The following PCDHA9 variants were observed in gnomAD, a reference collection of about 807,000 sequenced individuals.
The protein encoded by PCDHA9 is protocadherin alpha 9.
A neutral mutation model predicts 62.0 loss-of-function variants in PCDHA9; 62 were observed. The ratio of observed to expected loss-of-function variants is 1.00; its 90% CI spans 0.81 to 1.23. The LOEUF (loss-of-function observed/expected upper bound fraction) is 1.23. Ranked by LOEUF, PCDHA9 falls within the 50% of genes most tolerant of loss-of-function variation. The pLI, the probability that PCDHA9 is intolerant of heterozygous loss-of-function variation, is 0.00. For missense variants in PCDHA9, 1,205 were observed against 1,249.8 expected, an observed-to-expected ratio of 0.96 and a Z score of 0.54; for synonymous variants, 557 against 567.6, an observed-to-expected ratio of 0.98 and a Z score of 0.27.
chr5:140,892,943 AC>A (rs2063750109), intron 1 of PCDHA9, among the ~76,000 whole-genome samples: 1 of 152,088 alleles, frequency 6.6e-6, no homozygotes, highest in South Asian at 2.1e-4. Flanking sequence ...TAAGCACAAT[AC>A]TACTTCCATG....
At chr5:140,882,732 A>G (rs782399296) in intron 1 of PCDHA9, 3 of 1,614,228 alleles carry the variant, frequency 1.9e-6, no homozygotes, top group Non-Finnish European at 2.5e-6. Context: ...TTTCCACTAG[A>G]TGGCGCATCC....
intron 1 of PCDHA9, chr5:140,864,760 T>C (rs1282604676): frequency 6.6e-6 from 1 of 152,230 alleles, no homozygotes; most frequent in Non-Finnish European, 1.5e-5. Flanking sequence ...TCATTTTTCT[T>C]TCATTTTTGG....
At chr5:140,973,414 C>G (rs992904408) in intron 1 of PCDHA9, among the ~76,000 whole-genome samples, 1 of 152,204 alleles carries the variant, frequency 6.6e-6, no homozygotes, top group Non-Finnish European at 1.5e-5. Flanking sequence ...GCTTCCACTC[C>G]AGTTTTTCAT....
chr5:140,856,484 C>T lies in PCDHA9; in HGVS notation c.2394+5595C>T. 3 of 1,598,366 alleles carry T rather than the reference C, an allele frequency of 1.9e-6. 1 individual carries two copies. The highest frequency in any genetic ancestry group is 2.7e-5 in the African/African-American group (2 of 74,376). The stretch of plus-strand genomic sequence containing the variant: ...AAAGCTCTCAATACCTGAATCCAGA[C>T]TGCTTGACTCTCGATTTCCACTAGA... On this transcript the variant is annotated intron_variant, in intron 1 of 3. Coordinates refer to ENST00000532602, the MANE Select transcript of PCDHA9 (RefSeq NM_031857.2).
intron 1 of PCDHA9, among the ~76,000 whole-genome samples, chr5:140,895,640 T>G (rs1554186577): frequency 6.6e-6 from 1 of 152,220 alleles, no homozygotes; most frequent in Non-Finnish European, 1.5e-5. Flanking sequence ...ACATTCTTTT[T>G]TAGCTCCCAC....
At chr5:140,975,784 A>G (rs1216156931) in intron 1 of PCDHA9, among the ~76,000 whole-genome samples, 1 of 151,914 alleles carries the variant, frequency 6.6e-6, no homozygotes, top group Non-Finnish European at 1.5e-5. Flanking sequence ...CCATTACAAG[A>G]TAAATTAAAT....
chr5:140,857,745 C>T lies in PCDHA9; in HGVS notation c.2394+6856C>T. On this transcript the variant is annotated intron_variant, in intron 1 of 3. Coordinates refer to ENST00000532602, the MANE Select transcript of PCDHA9 (RefSeq NM_031857.2). Reference sequence around the variant, plus strand: ...AACGACAACGCTCCCGCGCTGCTGGCGTCTCCCGCTGGCAGCGCGGGCGGT... The same window carrying T: ...AACGACAACGCTCCCGCGCTGCTGGTGTCTCCCGCTGGCAGCGCGGGCGGT... 5.0e-6 allele frequency: 8 copies of T among 1,597,310 alleles called. 1 individual carries two copies. Among genetic ancestry groups the T allele is most frequent in the South Asian group, 1.1e-5 (1 of 90,480 alleles).
intron 1 of PCDHA9, among the ~76,000 whole-genome samples, chr5:140,943,121 G>A (rs1225385839): frequency 3.3e-5 from 5 of 151,916 alleles, no homozygotes; most frequent in African/African-American, 4.8e-5. Flanking sequence ...AGCCAGGTGT[G>A]GTAGTGGGTG....
chr5:140,928,616 G>A, intron 1 of PCDHA9: 2 of 1,614,226 alleles, frequency 1.2e-6, no homozygotes, highest in Non-Finnish European at 8.5e-7. Flanking sequence ...CGCTCTGCCA[G>A]GACTGGACAC....
intron 2 of PCDHA9, among the ~76,000 whole-genome samples, chr5:140,979,789 C>CAAAT (rs1244398411): frequency 2.6e-5 from 4 of 152,148 alleles, no homozygotes; most frequent in African/African-American, 9.7e-5. Context: ...GACCAAGAAA[C>CAAAT]AAATGATCAC....
intron 1 of PCDHA9, chr5:140,857,580 C>T: frequency 6.3e-7 from 1 of 1,596,630 alleles, no homozygotes; most frequent in African/African-American, 1.3e-5. Flanking sequence ...TCGGTGCACG[C>T]GGAGAGCGGC....
intron 1 of PCDHA9, among the ~76,000 whole-genome samples, chr5:140,960,614 G>A (rs1167351854): frequency 3.3e-5 from 5 of 152,130 alleles, no homozygotes; most frequent in African/African-American, 1.2e-4. Context: ...AATATCTAGT[G>A]TGTTTTTGAA....
intron 1 of PCDHA9, chr5:140,877,799 T>C: frequency 1.2e-6 from 2 of 1,613,438 alleles, no homozygotes; most frequent in Non-Finnish European, 1.7e-6. Context: ...AGCCCAAGCC[T>C]TCAGCTGTCT....
At chr5:140,965,312 C>G (rs543157988) in intron 1 of PCDHA9, among the ~76,000 whole-genome samples, 1 of 152,258 alleles carries the variant, frequency 6.6e-6, no homozygotes, top group East Asian at 1.9e-4. Context: ...TCTACCTTCT[C>G]TTTTACTGAA....
chr5:140,926,441 A>G (rs1476576189), intron 1 of PCDHA9: 1 of 154,800 alleles, frequency 6.5e-6, no homozygotes, highest in African/African-American at 2.4e-5. Context: ...AGATCTGGGC[A>G]GCCTCAGGGC....
chr5:140,982,300 G>A (rs2096976836), intron 2 of PCDHA9, 175 bp from the exon 3 acceptor site: 1 of 1,204,506 alleles, frequency 8.3e-7, no homozygotes, highest in South Asian at 1.7e-5. Flanking sequence ...AGTCAGCAAT[G>A]CTTCTGCAGT....
In PCDHA9 at chr5:140,856,507, A is replaced by C. The variant is rs527808702; in HGVS notation, c.2394+5618A>C. 4.2e-5 allele frequency: 67 copies of C among 1,598,478 alleles called. 5 individuals carry two copies. In the South Asian group the frequency reaches 7.1e-4, roughly 17 times the overall value. Reference sequence around the variant, plus strand: ...GACTGCTTGACTCTCGATTTCCACTAGAAGGCGCATCTGATGCGGATGTTG... The same window carrying C: ...GACTGCTTGACTCTCGATTTCCACTCGAAGGCGCATCTGATGCGGATGTTG... On this transcript the variant is annotated intron_variant, in intron 1 of 3. Coordinates refer to ENST00000532602, the MANE Select transcript of PCDHA9 (RefSeq NM_031857.2).
At chr5:141,005,184 A>G (rs964423938) in intron 3 of PCDHA9, among the ~76,000 whole-genome samples, 27 of 152,196 alleles carry the variant, frequency 1.8e-4, no homozygotes, top group Non-Finnish European at 3.7e-4. Flanking sequence ...CACTTCTCAC[A>G]TCAGTCCTTT....
Position 140,876,990 on chromosome 5 carries a change from C to T in PCDHA9, c.2394+26101C>T, listed in dbSNP as rs374520504. The T allele has an allele frequency of 2.2e-5, 35 of 1,612,500 alleles. No individual in the cohort carries two copies. In the South Asian group the frequency reaches 2.9e-4, roughly 13 times the overall value. On this transcript the variant is annotated intron_variant, in intron 1 of 3. Coordinates refer to ENST00000532602, the MANE Select transcript of PCDHA9 (RefSeq NM_031857.2). ...GGGTGGGCGAGCACGCACTGTCGAG[C>T]TACGTGTCGGTGCACGCGGAGAGCG... is the stretch of plus-strand genomic sequence containing the variant.
Sources: allele counts gnomAD v4.1 joint callset (sites outside exome capture counted in the v4.1 genomes callset), GRCh38; gene constraint gnomAD v4.1.1; transcripts MANE v1.5; gene names NCBI Gene and HGNC (gene_info 2026-07-23, HGNC 2026-07-21).